Variants in FILIP1 observed in about 807,000 individuals in gnomAD.
The protein encoded by FILIP1 is filamin A interacting protein 1, also known as filamin-A-interacting protein 1.
A neutral mutation model predicts 102.1 loss-of-function variants in FILIP1; 61 were observed. That is an observed-to-expected ratio of 0.60 (90% CI 0.49 to 0.74). FILIP1 has a LOEUF of 0.74. Among genes scored for constraint, FILIP1 ranks in the 30% least tolerant of loss-of-function variants. The pLI, the probability that FILIP1 is intolerant of heterozygous loss-of-function variation, is 0.00. For missense variants in FILIP1, 1,314 were observed against 1,441.2 expected, an observed-to-expected ratio of 0.91 and a Z score of 1.43; for synonymous variants, 491 against 526.9, an observed-to-expected ratio of 0.93 and a Z score of 0.93.
intron 6 of FILIP1, among the ~76,000 whole-genome samples, chr6:75,297,421 T>G (rs967667422): frequency 3.3e-5 from 5 of 152,162 alleles, no homozygotes; most frequent in Non-Finnish European, 1.5e-5. Flanking sequence ...CTCAGCCTTT[T>G]GGCTTGAATT....
At chr6:75,465,571 T>TAA in intron 1 of FILIP1, 38 of 413,414 alleles carry the variant, frequency 9.2e-5, no homozygotes, top group East Asian at 2.8e-4. Flanking sequence ...TCACAGCAAT[T>TAA]AAAAAAAAAA....
At chr6:75,372,428 C>CA (rs1299320144) in intron 2 of FILIP1, among the ~76,000 whole-genome samples, 3 of 143,168 alleles carry the variant, frequency 2.1e-5, no homozygotes, top group African/African-American at 7.8e-5. Context: ...ACTCTTATGG[C>CA]AAAAAAGAAA....
rs372095649 is a variant in FILIP1 at position 75,440,165 on chromosome 6, G to C, written c.-6-25187C>G. Among the ~76,000 whole-genome samples, 13 of 152,054 alleles carry C rather than the reference G, an allele frequency of 8.5e-5. No homozygotes were observed. The East Asian group carries it at 9.7e-4, about 11-fold the overall frequency. On this transcript the variant is annotated intron_variant, in intron 1 of 5. Transcript: ENST00000237172. ...GACCTTCATTTTGAAAATCCATCAC[G>C]GGCTCTTTGGGCAACTTTTTGGGAA...
At chr6:75,436,613 T>C (rs1027909492) in intron 1 of FILIP1, among the ~76,000 whole-genome samples, 9 of 152,160 alleles carry the variant, frequency 5.9e-5, no homozygotes, top group African/African-American at 1.9e-4. Flanking sequence ...ATGGAGATTA[T>C]GGGACAGATA....
intron 1 of FILIP1, among the ~76,000 whole-genome samples, chr6:75,427,683 GCTC>G (rs1777673055): frequency 6.6e-6 from 1 of 151,960 alleles, no homozygotes; most frequent in East Asian, 1.9e-4. Context: ...TCCCTTCCAT[GCTC>G]CTCTTCTATG....
chr6:75,296,485 T>C (rs1772682709), intron 6 of FILIP1: 1 of 143,544 alleles, frequency 7.0e-6, no homozygotes, highest in African/African-American at 2.6e-5. Flanking sequence ...TTTATTATTA[T>C]TATTATTATT....
At chr6:75,370,891 T>A (rs1324158980) in intron 2 of FILIP1, among the ~76,000 whole-genome samples, 2 of 152,134 alleles carry the variant, frequency 1.3e-5, no homozygotes, top group Non-Finnish European at 2.9e-5. Context: ...TTCTTCTTTT[T>A]AAGTTTATTC....
At position 75,308,840 on chromosome 6, in the gene FILIP1, C is replaced by T. The variant is rs1773079089; in HGVS notation, c.3493G>A (p.Gly1165Ser). ...PTPTRIPMSK[G>S]MKAGKPVVAA... ...ACTACTGGCTTTCCTGCTTTCATAC[C>T]TTTTGACATAGGAATGCGGGTGGGT... Residue 1165 changes from glycine to serine, a missense_variant, in exon 6 of 6, where the codon GGT (glycine) becomes AGT (serine). Gly to Ser is a moderately conservative substitution (Grantham distance 56). This residue lies in a region of FILIP1 where 816 missense variants were observed against 913.1 expected (regional missense o/e 0.89). Coordinates refer to ENST00000237172, the MANE Select transcript of FILIP1 (RefSeq NM_015687.5). 1.9e-6 allele frequency: 3 copies of T among 1,614,002 alleles called. No homozygotes were observed. Among genetic ancestry groups the T allele is most frequent in the Non-Finnish European group, 2.5e-6 (3 of 1,180,012 alleles).
Position 75,312,528 on chromosome 6 carries a change from C to G in FILIP1, c.3304G>C (p.Glu1102Gln). ...CGAAGGACAGTGCCGGTGGAAACCT[C>G]CTTTTCGGCTGTCACGTTTACTGGT... ...VRPVNVTAEK[E>Q]VSTGTVLRSP... Residue 1102 changes from glutamate to glutamine, a missense_variant, in exon 5 of 6, where the codon GAG (glutamate) becomes CAG (glutamine). This residue lies in a region of FILIP1 where 816 missense variants were observed against 913.1 expected (regional missense o/e 0.89). Transcript: ENST00000237172. 6.2e-7 allele frequency: 1 copy of G among 1,614,170 alleles called. No homozygotes were observed. The highest frequency in any genetic ancestry group is 8.5e-7 in the Non-Finnish European group (1 of 1,180,020).
chr6:75,400,639 G>A (rs1387629907), intron 2 of FILIP1, among the ~76,000 whole-genome samples: 1 of 152,086 alleles, frequency 6.6e-6, no homozygotes, highest in Non-Finnish European at 1.5e-5. Context: ...AACCGCAGGA[G>A]CTTTGATCAA....
intron 1 of FILIP1, among the ~76,000 whole-genome samples, chr6:75,483,571 G>A (rs985852408): frequency 3.3e-5 from 5 of 152,144 alleles, no homozygotes; most frequent in Non-Finnish European, 7.3e-5. Flanking sequence ...AAGTCATGAG[G>A]GGAAATAGAG....
chr6:75,434,162 G>A (rs1562593300), intron 1 of FILIP1, among the ~76,000 whole-genome samples: 1 of 152,114 alleles, frequency 6.6e-6, no homozygotes, highest in African/African-American at 2.4e-5. Context: ...GGATTGTCTT[G>A]GCAATGTGGG....
At position 75,426,588 on chromosome 6, in the gene FILIP1, C is replaced by G. The variant is rs541726034; in HGVS notation, c.-6-11610G>C. ...CATGCTAACAGGAGAGTCACCAAGG[C>G]AGATGGCTTCAAGCAGTCACCCAAA... On this transcript the variant is annotated intron_variant, in intron 1 of 5. Coordinates refer to ENST00000237172, the MANE Select transcript of FILIP1 (RefSeq NM_015687.5). Among the ~76,000 whole-genome samples the G allele has an allele frequency of 1.5e-4, 23 of 152,232 alleles. No homozygotes were observed. The East Asian group carries it at 4.1e-3, about 27-fold the overall frequency.
At chr6:75,417,507 G>C (rs1208529499) in intron 1 of FILIP1, among the ~76,000 whole-genome samples, 1 of 152,152 alleles carries the variant, frequency 6.6e-6, no homozygotes, top group African/African-American at 2.4e-5. Context: ...TTCTATTTTG[G>C]AGGGGGAAAA....
chr6:75,365,443 T>A (rs1288676837), intron 2 of FILIP1, among the ~76,000 whole-genome samples: 2 of 152,212 alleles, frequency 1.3e-5, no homozygotes, highest in African/African-American at 4.8e-5. Flanking sequence ...TGATCTTGGC[T>A]CACTGCAACC....
At chr6:75,401,855 T>A (rs1157936962) in intron 2 of FILIP1, among the ~76,000 whole-genome samples, 1 of 152,206 alleles carries the variant, frequency 6.6e-6, no homozygotes, top group Non-Finnish European at 1.5e-5. Context: ...TAATTTTACT[T>A]GAAAATGCTC....
intron 1 of FILIP1, among the ~76,000 whole-genome samples, chr6:75,483,962 T>C (rs1198712881): frequency 6.6e-6 from 1 of 152,182 alleles, no homozygotes; most frequent in Admixed American, 6.6e-5. Flanking sequence ...ATGAAACTGT[T>C]AGTGCCTAAC....
At chr6:75,421,853 G>A (rs953594503) in intron 1 of FILIP1, among the ~76,000 whole-genome samples, 4 of 152,108 alleles carry the variant, frequency 2.6e-5, no homozygotes, top group Non-Finnish European at 5.9e-5. Context: ...CTGAGGCTCA[G>A]AGTCACACGG....
rs756540736 is a variant in FILIP1 at position 75,313,064 on chromosome 6, G to A, written c.2768C>T (p.Ala923Val). The part of the protein sequence containing the change: ...RVTPDHENST[A>V]TLEITSPTSE... ...TGTCGGGCTTGTTATCTCCAAAGTCGCAGTGCTGTTCTCGTGGTCTGGTGT... is the reference window on the plus strand; with the variant it reads ...TGTCGGGCTTGTTATCTCCAAAGTCACAGTGCTGTTCTCGTGGTCTGGTGT... The change falls in exon 5 of 6, where the codon GCG (alanine) becomes GTG (valine). Residue 923 changes from alanine to valine, a missense_variant. Coordinates refer to ENST00000237172, the MANE Select transcript of FILIP1 (RefSeq NM_015687.5). The surrounding 1 kb of genome is among the most constrained non-coding windows in gnomAD (Gnocchi z 4.2). The A allele has an allele frequency of 9.9e-6, 16 of 1,614,054 alleles. No individual in the cohort carries two copies. The highest frequency in any genetic ancestry group is 2.2e-5 in the South Asian group (2 of 91,086).
Sources: gnomAD v4.1 joint callset for allele counts (sites outside exome capture counted in the v4.1 genomes callset) on GRCh38, gnomAD v4.1.1 for gene constraint, gnomAD v4.1.1 regional missense constraint, Gnocchi (gnomAD v3.1) non-coding constraint, MANE v1.5 for transcripts, NCBI Gene and HGNC (gene_info 2026-07-23, HGNC 2026-07-21) for gene names.